Variants in NPSR1 observed in about 807,000 individuals in gnomAD.
NPSR1 encodes the protein neuropeptide S receptor.
NPSR1 carries 48 observed loss-of-function variants against 46.9 expected under a neutral mutation model. The ratio of observed to expected loss-of-function variants is 1.02; its 90% CI spans 0.81 to 1.30. The LOEUF is 1.30. NPSR1 is among the 50% of genes most tolerant of loss of function. NPSR1 has a pLI of 0.00. For missense variants in NPSR1, 450 were observed against 449.5 expected, an observed-to-expected ratio of 1.00 and a Z score of -0.01; for synonymous variants, 176 against 168.1, an observed-to-expected ratio of 1.05 and a Z score of -0.36.
intron 3 of NPSR1, among the ~76,000 whole-genome samples, chr7:34,809,266 TTTTCTC>T (rs1439641222): frequency 2.0e-5 from 3 of 152,122 alleles, no homozygotes; most frequent in Non-Finnish European, 2.9e-5. Flanking sequence ...AGTCTTCCAT[TTTTCTC>T]TTTCTCTATT....
intron 8 of NPSR1, among the ~76,000 whole-genome samples, chr7:34,876,196 G>A (rs996978670): frequency 6.6e-5 from 10 of 152,098 alleles, no homozygotes; most frequent in Non-Finnish European, 1.2e-4. Context: ...AGGGAGGAGA[G>A]AAAGAAGAGG....
chr7:34,836,822 T>G (rs1320355321), intron 6 of NPSR1, among the ~76,000 whole-genome samples: 1 of 151,966 alleles, frequency 6.6e-6, no homozygotes, highest in Admixed American at 6.6e-5. Context: ...ACTGAAAAGA[T>G]CTGAATATCC....
chr7:34,805,257 C>A lies in NPSR1; in HGVS notation c.385-6513C>A, dbSNP rs1311816198. Reference sequence around the variant, plus strand: ...AAGAAAAAGAGCAAGTTTGAACAACCAACACTACCTGATTTTAAGACTTAC... The same window carrying A: ...AAGAAAAAGAGCAAGTTTGAACAACAAACACTACCTGATTTTAAGACTTAC... On this transcript the variant is annotated intron_variant, in intron 3 of 8. Transcript: ENST00000360581. 2.6e-5 allele frequency among the ~76,000 whole-genome samples: 4 copies of A among 151,586 alleles called. No individual in the cohort carries two copies. The South Asian group carries it at 6.2e-4, about 24-fold the overall frequency.
chr7:34,786,573 T>C (rs1171279511), intron 3 of NPSR1, among the ~76,000 whole-genome samples: 3 of 152,152 alleles, frequency 2.0e-5, no homozygotes, highest in Non-Finnish European at 4.4e-5. Flanking sequence ...ATTTCCCTTG[T>C]CCTGATCCAG....
chr7:34,713,545 C>G (rs907543252), intron 2 of NPSR1, among the ~76,000 whole-genome samples: 1 of 152,012 alleles, frequency 6.6e-6, no homozygotes, highest in African/African-American at 2.4e-5. Context: ...TTGTAGGTGT[C>G]AGAAATGAAG....
chr7:34,724,782 C>G (rs1271441482), intron 2 of NPSR1, among the ~76,000 whole-genome samples: 2 of 152,088 alleles, frequency 1.3e-5, no homozygotes, highest in African/African-American at 2.4e-5. Flanking sequence ...AAGAAAAGTG[C>G]TTAGCATAGT....
At chr7:34,801,738 G>A (rs574734451) in intron 3 of NPSR1, among the ~76,000 whole-genome samples, 97 of 148,152 alleles carry the variant, frequency 6.5e-4, no homozygotes, top group Non-Finnish European at 1.2e-3. Flanking sequence ...GCAGGAGAAG[G>A]AAATAAAGAG....
At chr7:34,728,753 A>G (rs938913895) in intron 2 of NPSR1, 73 of 152,722 alleles carry the variant, frequency 4.8e-4, no homozygotes, top group African/African-American at 1.7e-3. Flanking sequence ...TCTTCTCACA[A>G]GAAACTGATG....
chr7:34,692,535 G>A (rs984619734), intron 2 of NPSR1, among the ~76,000 whole-genome samples: 2 of 152,080 alleles, frequency 1.3e-5, no homozygotes, highest in African/African-American at 4.8e-5. Context: ...CAAAACCTCT[G>A]GGATATAGTG....
intron 6 of NPSR1, among the ~76,000 whole-genome samples, chr7:34,839,742 A>G (rs572652640): frequency 7.2e-5 from 11 of 152,172 alleles, no homozygotes; most frequent in Non-Finnish European, 1.6e-4. Context: ...AGATTCTGCC[A>G]CGCTTAACAG....
At chr7:34,687,354 C>A (rs187357109) in intron 2 of NPSR1, among the ~76,000 whole-genome samples, 290 of 152,296 alleles carry the variant, frequency 1.9e-3, no homozygotes, top group Non-Finnish European at 3.4e-3. Context: ...AGTCTGTTCT[C>A]ACACTGCTAT....
chr7:34,783,530 A>G (rs1584010430), intron 3 of NPSR1, among the ~76,000 whole-genome samples: 1 of 152,166 alleles, frequency 6.6e-6, no homozygotes, highest in Admixed American at 6.6e-5. Context: ...TAGCCAAACT[A>G]TATTATACAA....
At chr7:34,805,250 G>A (rs951022025) in intron 3 of NPSR1, among the ~76,000 whole-genome samples, 2 of 151,760 alleles carry the variant, frequency 1.3e-5, no homozygotes, top group African/African-American at 2.4e-5. Context: ...GAGCAAGTTT[G>A]AACAACCAAC....
intron 3 of NPSR1, among the ~76,000 whole-genome samples, chr7:34,798,365 T>C (rs1788286377): frequency 6.6e-6 from 1 of 152,088 alleles, no homozygotes; most frequent in Admixed American, 6.6e-5. Flanking sequence ...TGAAACCCCG[T>C]GTCTACTAAA....
At chr7:34,825,914 T>G (rs1163202315) in intron 4 of NPSR1, among the ~76,000 whole-genome samples, 1 of 152,188 alleles carries the variant, frequency 6.6e-6, no homozygotes, top group Non-Finnish European at 1.5e-5. Flanking sequence ...GTACCTCTGC[T>G]GGACTTCCTA....
chr7:34,687,990 C>A (rs1374974119), intron 2 of NPSR1, among the ~76,000 whole-genome samples: 1 of 152,178 alleles, frequency 6.6e-6, no homozygotes, highest in Non-Finnish European at 1.5e-5. Context: ...GGCAGTTTCA[C>A]TGGACTGATG....
At chr7:34,760,592 A>G (rs1451108922) in intron 2 of NPSR1, among the ~76,000 whole-genome samples, 1 of 152,230 alleles carries the variant, frequency 6.6e-6, no homozygotes. Context: ...TAGAAAGGGC[A>G]TGGAAAATAT....
intron 2 of NPSR1, among the ~76,000 whole-genome samples, chr7:34,761,813 A>G (rs1786186682): frequency 6.6e-6 from 1 of 152,232 alleles, no homozygotes; most frequent in Admixed American, 6.5e-5. Context: ...ATGTTGTGCA[A>G]TGATCTTGTG....
intron 1 of NPSR1, among the ~76,000 whole-genome samples, chr7:34,682,588 G>A (rs1345846804): frequency 1.3e-5 from 2 of 152,040 alleles, no homozygotes; most frequent in East Asian, 3.9e-4. Flanking sequence ...CAAATCACTT[G>A]TTTATGTCCC....
Sources: gnomAD v4.1 joint callset for allele counts (sites outside exome capture counted in the v4.1 genomes callset) on GRCh38, gnomAD v4.1.1 for gene constraint, MANE v1.5 for transcripts, NCBI Gene and HGNC (gene_info 2026-07-23, HGNC 2026-07-21) for gene names.